The following MACROD2 variants were observed in gnomAD, a reference collection of about 807,000 sequenced individuals.
MACROD2 encodes the protein mono-ADP ribosylhydrolase 2.
In MACROD2, 36 loss-of-function variants were observed where a neutral mutation model predicts 70.4. That is an observed-to-expected ratio of 0.51 (90% CI 0.39 to 0.68). The LOEUF is 0.68. Ranked by LOEUF, MACROD2 falls within the 30% of genes least tolerant of loss-of-function variation. The pLI, the probability that MACROD2 is intolerant of heterozygous loss-of-function variation, is 0.00. For missense variants in MACROD2, 496 were observed against 538.4 expected (o/e 0.92, Z 0.78); for synonymous variants, 172 against 178.8 (o/e 0.96, Z 0.30).
At chr20:15,903,228 G>A (rs2065092628) in intron 10 of MACROD2, among the ~76,000 whole-genome samples, 2 of 152,174 alleles carry the variant, frequency 1.3e-5, no homozygotes, top group Admixed American at 1.3e-4. Context: ...TGTAATTCCG[G>A]CTACTTCAGA....
In MACROD2 at chr20:14,001,990, C is replaced by A. The variant is rs76905980; in HGVS notation, c.47-298C>A. On this transcript the variant is annotated intron_variant, in intron 1 of 17. Transcript: ENST00000684519. ...TATATATCCAAACCATATCACTTAT[C>A]CAGCATATCACCTGGCCCATAGTAA... 8.1e-3 allele frequency among the ~76,000 whole-genome samples: 1,234 copies of A among 152,282 alleles called. 20 individuals carry two copies. Among genetic ancestry groups the A allele is most frequent in the African/African-American group, 0.027 (1,139 of 41,562 alleles).
At chr20:14,116,992 G>A (rs1176789430) in intron 3 of MACROD2, among the ~76,000 whole-genome samples, 1 of 151,104 alleles carries the variant, frequency 6.6e-6, no homozygotes, top group Non-Finnish European at 1.5e-5. Context: ...GCTTGAACCC[G>A]GGAGGCAGAG....
At position 14,812,897 on chromosome 20, in the gene MACROD2, A is replaced by G. The variant is rs141748958; in HGVS notation, c.418+127938A>G. 7.3e-3 allele frequency among the ~76,000 whole-genome samples: 1,118 copies of G among 152,178 alleles called. 9 individuals carry two copies. Among genetic ancestry groups the G allele is most frequent in the South Asian group, 0.029 (141 of 4,818 alleles). On this transcript the variant is annotated intron_variant, in intron 5 of 17. Transcript: ENST00000684519. ...ACTGCCTCCCACTTCAAATGCCAGT[A>G]GCAAGCCCCAGGTTATGACCTGTAC...
chr20:14,240,134 G>A (rs2122232312), intron 3 of MACROD2, among the ~76,000 whole-genome samples: 1 of 152,236 alleles, frequency 6.6e-6, no homozygotes, highest in African/African-American at 2.4e-5. Context: ...CAACCACAAT[G>A]AGATACCATC....
chr20:15,745,283 C>T (rs2051165765), intron 8 of MACROD2, among the ~76,000 whole-genome samples: 1 of 152,158 alleles, frequency 6.6e-6, no homozygotes, highest in Admixed American at 6.6e-5. Flanking sequence ...CATAGGTAAG[C>T]ATTACCTACT....
intron 8 of MACROD2, among the ~76,000 whole-genome samples, chr20:15,585,146 G>C (rs958472357): frequency 4.2e-4 from 64 of 151,824 alleles, no homozygotes; most frequent in African/African-American, 1.5e-3. Flanking sequence ...TGCTCCATCT[G>C]ACTTCCAGCC....
At chr20:15,485,759 CTGTT>C (rs1411173549) in intron 7 of MACROD2, among the ~76,000 whole-genome samples, 1 of 152,128 alleles carries the variant, frequency 6.6e-6, no homozygotes, top group Middle Eastern at 3.2e-3. Context: ...CAGGTTCTGT[CTGTT>C]TGAGGGAAAT....
chr20:15,653,210 G>A (rs1455086329), intron 8 of MACROD2, among the ~76,000 whole-genome samples: 1 of 152,122 alleles, frequency 6.6e-6, no homozygotes, highest in Non-Finnish European at 1.5e-5. Flanking sequence ...AAACAGATTA[G>A]CACTCTCTTT....
intron 5 of MACROD2, among the ~76,000 whole-genome samples, chr20:15,132,422 A>G (rs2076113492): frequency 1.3e-5 from 2 of 152,034 alleles, no homozygotes; most frequent in South Asian, 4.1e-4. Context: ...AGTTGGTTGG[A>G]TGGATTGATG....
intron 5 of MACROD2, among the ~76,000 whole-genome samples, chr20:14,789,459 A>ATTTTTTTTTTTTT (rs1230000349): frequency 2.0e-5 from 1 of 48,828 alleles, no homozygotes. Flanking sequence ...AGGTAGTGCA[A>ATTTTTTTTTTTTT]ATTTTTTTTT....
chr20:14,647,496 C>G (rs1013153350), intron 4 of MACROD2, among the ~76,000 whole-genome samples: 11 of 152,014 alleles, frequency 7.2e-5, no homozygotes, highest in African/African-American at 2.4e-4. Context: ...CATTGCAAAT[C>G]TGAAGGAATT....
chr20:15,165,174 G>T (rs1055902320), intron 5 of MACROD2, among the ~76,000 whole-genome samples: 1 of 152,170 alleles, frequency 6.6e-6, no homozygotes. Flanking sequence ...ACTTGACACC[G>T]GCTGGGTACG....
chr20:15,971,496 A>T (rs1048810958), intron 13 of MACROD2, among the ~76,000 whole-genome samples: 2 of 152,148 alleles, frequency 1.3e-5, no homozygotes, highest in African/African-American at 4.8e-5. Context: ...TGTGATTATG[A>T]GGCCTCCCTA....
intron 4 of MACROD2, among the ~76,000 whole-genome samples, chr20:14,631,611 A>G (rs1356859282): frequency 6.6e-6 from 1 of 152,108 alleles, no homozygotes; most frequent in Non-Finnish European, 1.5e-5. Flanking sequence ...TCTACTAAAA[A>G]TGAAAATAAA....
intron 2 of MACROD2, among the ~76,000 whole-genome samples, chr20:14,051,441 C>T (rs538366352): frequency 2.0e-5 from 3 of 152,106 alleles, no homozygotes; most frequent in African/African-American, 4.8e-5. Flanking sequence ...TATTCCTGGA[C>T]GTTTACAGAA....
intron 2 of MACROD2, among the ~76,000 whole-genome samples, chr20:14,078,091 G>A (rs551708904): frequency 1.8e-4 from 28 of 151,784 alleles, no homozygotes; most frequent in Non-Finnish European, 3.1e-4. Context: ...TAGTATAGAC[G>A]GGGTTTCTCC....
rs573972381 is a variant in MACROD2 at position 16,012,797 on chromosome 20, T to C, written c.1153+25639T>C. 5.9e-5 allele frequency among the ~76,000 whole-genome samples: 9 copies of C among 152,202 alleles called. No homozygotes were observed. In the South Asian group the frequency reaches 8.3e-4, roughly 14 times the overall value. ...AGCACGTGTGACAGAAGGCAGGAAG[T>C]GTAACAAGAGAAGGAAAGCTAGAGG... On this transcript the variant is annotated intron_variant, in intron 15 of 17. Coordinates refer to ENST00000684519, the MANE Select transcript of MACROD2 (RefSeq NM_001351661.2).
At chr20:15,686,339 A>G (rs944764126) in intron 8 of MACROD2, among the ~76,000 whole-genome samples, 1 of 152,216 alleles carries the variant, frequency 6.6e-6, no homozygotes, top group Non-Finnish European at 1.5e-5. Flanking sequence ...ATTCTTCAAC[A>G]CAAAAACACT....
At chr20:15,522,574 G>A (rs142792385) in intron 8 of MACROD2, among the ~76,000 whole-genome samples, 10 of 152,308 alleles carry the variant, frequency 6.6e-5, no homozygotes, top group Middle Eastern at 3.4e-3. Flanking sequence ...GCCCTTTAAA[G>A]TAGGATTGTA....
Sources: allele counts gnomAD v4.1 joint callset (sites outside exome capture counted in the v4.1 genomes callset), GRCh38; gene constraint gnomAD v4.1.1; transcripts MANE v1.5; gene names NCBI Gene and HGNC (gene_info 2026-07-23, HGNC 2026-07-21).